The following PITPNC1 variants were observed in gnomAD, a reference collection of about 807,000 sequenced individuals.
PITPNC1 encodes the protein phosphatidylinositol transfer protein cytoplasmic 1.
PITPNC1 carries 18 observed loss-of-function variants against 44.7 expected under a neutral mutation model. The observed-to-expected ratio is 0.40, with a 90% CI of 0.28 to 0.60. The LOEUF (loss-of-function observed/expected upper bound fraction) is 0.60. Ranked by LOEUF, PITPNC1 falls within the 20% of genes least tolerant of loss-of-function variation. The probability of loss-of-function intolerance (pLI) is 0.39; values close to 1 mark genes in which losing one functional copy is unlikely to be tolerated. For synonymous variants in PITPNC1, 141 were observed against 149.6 expected, an observed-to-expected ratio of 0.94 and a Z score of 0.42; for missense variants, 290 against 418.4, an observed-to-expected ratio of 0.69 and a Z score of 2.68.
Position 67,403,218 on chromosome 17 carries a change from C to CAAAA in PITPNC1, c.48+25036_48+25039dup, listed in dbSNP as rs34768084. Among the ~76,000 whole-genome samples, 632 of 68,914 alleles carry CAAAA rather than the reference C, an allele frequency of 9.2e-3. 77 individuals carry two copies. The highest frequency in any genetic ancestry group is 0.054 in the East Asian group (132 of 2,460). 45.2% of individuals were successfully genotyped at this position (68,914 alleles called of 152,430 possible). A position where few individuals can be genotyped will look rare whatever the true frequency, so the allele number is the denominator to read the frequency against. On this transcript the variant is annotated intron_variant, in intron 1 of 8. Transcript: ENST00000581322. ...GGCAACACAGTGGACCTCATCTCTA[C>CAAAA]AAAAAAAAAAAAAAAAAAAAAAAGT... is the stretch of plus-strand genomic sequence containing the variant.
At chr17:67,440,690 G>T (rs761173241) in intron 1 of PITPNC1, among the ~76,000 whole-genome samples, 1 of 151,422 alleles carries the variant, frequency 6.6e-6, no homozygotes. Flanking sequence ...GCACCGTCAT[G>T]CCTGGCTGAT....
chr17:67,448,938 T>C (rs534572201), intron 1 of PITPNC1, among the ~76,000 whole-genome samples: 1 of 152,280 alleles, frequency 6.6e-6, no homozygotes, highest in South Asian at 2.1e-4. Context: ...GGCTAATTTT[T>C]GTATTTTTAA....
Position 67,610,347 on chromosome 17 carries a change from T to C in PITPNC1, c.367-21796T>C, listed in dbSNP as rs150335971. Among the ~76,000 whole-genome samples the C allele has an allele frequency of 8.2e-4, 125 of 152,340 alleles. 1 individual carries two copies. The highest frequency in any genetic ancestry group is 2.9e-3 in the African/African-American group (121 of 41,584). On this transcript the variant is annotated intron_variant, in intron 5 of 8. Transcript: ENST00000581322. ...GCTGCCCCTCAGGCTCTGTGGTCCTTGGCACTGAGGCAAGATTCTCAAAAT... is the reference window on the plus strand; with the variant it reads ...GCTGCCCCTCAGGCTCTGTGGTCCTCGGCACTGAGGCAAGATTCTCAAAAT...
chr17:67,423,183 G>T (rs1272206690), intron 1 of PITPNC1, among the ~76,000 whole-genome samples: 1 of 152,158 alleles, frequency 6.6e-6, no homozygotes, highest in Non-Finnish European at 1.5e-5. Context: ...GTGGCAGATT[G>T]ATTTTAAAAG....
At chr17:67,565,132 A>G (rs919611857) in intron 4 of PITPNC1, among the ~76,000 whole-genome samples, 2 of 142,990 alleles carry the variant, frequency 1.4e-5, no homozygotes, top group African/African-American at 2.6e-5. Flanking sequence ...GTTTTTCCAT[A>G]TTTTTCAGTG....
At chr17:67,380,808 C>T (rs2037946840) in intron 1 of PITPNC1, among the ~76,000 whole-genome samples, 1 of 151,964 alleles carries the variant, frequency 6.6e-6, no homozygotes, top group African/African-American at 2.4e-5. Flanking sequence ...CGGTCTCGCT[C>T]TGTCATCCAG....
intron 2 of PITPNC1, among the ~76,000 whole-genome samples, chr17:67,543,863 G>A (rs1444561238): frequency 6.6e-6 from 1 of 152,114 alleles, no homozygotes; most frequent in Non-Finnish European, 1.5e-5. Context: ...AATACATTGG[G>A]TAATTAAGAG....
chr17:67,378,999 G>C, intron 1 of PITPNC1: 1 of 985,378 alleles, frequency 1.0e-6, no homozygotes, highest in African/African-American at 1.7e-5. Context: ...TCCTTCTCCC[G>C]ATCCTGCGAA....
intron 4 of PITPNC1, among the ~76,000 whole-genome samples, chr17:67,560,704 G>C (rs1233946802): frequency 1.3e-5 from 2 of 152,222 alleles, no homozygotes; most frequent in South Asian, 2.1e-4. Flanking sequence ...TGTTTGTTCA[G>C]ATTATCCCGT....
chr17:67,483,924 T>C (rs1216211632), intron 1 of PITPNC1, among the ~76,000 whole-genome samples: 1 of 151,234 alleles, frequency 6.6e-6, no homozygotes. Flanking sequence ...CTTTCTTTTT[T>C]TTTTTTTTTT....
Position 67,595,342 on chromosome 17 carries a change from C to T in PITPNC1, c.366+17085C>T, listed in dbSNP as rs963701269. Among the ~76,000 whole-genome samples the T allele has an allele frequency of 2.0e-5, 3 of 152,096 alleles. No homozygotes were observed. The South Asian group carries it at 6.2e-4, about 32-fold the overall frequency. ...AAAAGGGAACCATTGAATCTTCTTC[C>T]CCTTGGACATCCAGAGCCATCATCT... On this transcript the variant is annotated intron_variant, in intron 5 of 8. Coordinates refer to ENST00000581322, the MANE Select transcript of PITPNC1 (RefSeq NM_012417.4).
intron 1 of PITPNC1, among the ~76,000 whole-genome samples, chr17:67,495,017 T>G (rs1326330448): frequency 7.0e-6 from 1 of 143,772 alleles, no homozygotes; most frequent in African/African-American, 2.6e-5. Context: ...AAGTAAACTT[T>G]GGCAATATTG....
intron 1 of PITPNC1, among the ~76,000 whole-genome samples, chr17:67,438,501 A>T (rs1210959939): frequency 6.6e-6 from 1 of 152,118 alleles, no homozygotes; most frequent in African/African-American, 2.4e-5. Flanking sequence ...TTTTTAGTAC[A>T]GACAGGGTTT....
chr17:67,651,001 C>T (rs1009957948), intron 6 of PITPNC1, among the ~76,000 whole-genome samples: 2 of 152,136 alleles, frequency 1.3e-5, no homozygotes, highest in African/African-American at 4.8e-5. Context: ...TCAGGGTTTG[C>T]GGTGCATTCT....
rs183673165 is a variant in PITPNC1 at position 67,381,747 on chromosome 17, C to G, written c.48+3545C>G. On this transcript the variant is annotated intron_variant, in intron 1 of 8. Coordinates refer to ENST00000581322, the MANE Select transcript of PITPNC1 (RefSeq NM_012417.4). ...TCCCAAAGGCGTGAGCCACCGCGCCCGGCCTACTTGTTTCTCTTTAATCAC... is the reference window on the plus strand; with the variant it reads ...TCCCAAAGGCGTGAGCCACCGCGCCGGGCCTACTTGTTTCTCTTTAATCAC... Among the ~76,000 whole-genome samples the G allele has an allele frequency of 2.6e-5, 4 of 152,342 alleles. 1 individual carries two copies. The highest frequency in any genetic ancestry group is 2.6e-4 in the Admixed American group (4 of 15,300).
rs767311775 is a variant in PITPNC1, at chr17:67,676,252, T to A, written c.682+710T>A. Among the ~76,000 whole-genome samples, 45 of 151,446 alleles carry A rather than the reference T, an allele frequency of 3.0e-4. No homozygotes were observed. Among genetic ancestry groups the A allele is most frequent in the African/African-American group, 1.1e-3 (44 of 41,196 alleles). On this transcript the variant is annotated intron_variant, in intron 8 of 8. Transcript: ENST00000581322. This position sits in a 1 kb window ranked among gnomAD's most constrained non-coding sequence, Gnocchi z 4.0. ...GAAAGAAACTACCCCTCAACAAATATATACAGGTTCTGCAAGAATTTAAGG... is the reference window on the plus strand; with the variant it reads ...GAAAGAAACTACCCCTCAACAAATAAATACAGGTTCTGCAAGAATTTAAGG...
At chr17:67,687,298 C>G in intron 8 of PITPNC1, 1 of 642,748 alleles carries the variant, frequency 1.6e-6, no homozygotes. Flanking sequence ...CATGTCGTCA[C>G]CCAGACCCTG....
intron 1 of PITPNC1, among the ~76,000 whole-genome samples, chr17:67,460,808 G>A (rs984277915): frequency 6.2e-5 from 9 of 145,894 alleles, no homozygotes; most frequent in Non-Finnish European, 1.3e-4. Context: ...GCAGCGGCGC[G>A]ACGGTGGCTC....
chr17:67,426,041 C>T (rs911852951), intron 1 of PITPNC1, among the ~76,000 whole-genome samples: 2 of 152,204 alleles, frequency 1.3e-5, no homozygotes, highest in Non-Finnish European at 2.9e-5. Context: ...CATAGACCAT[C>T]ATACACTTCC....
Sources: allele counts gnomAD v4.1 joint callset (sites outside exome capture counted in the v4.1 genomes callset), GRCh38; gene constraint gnomAD v4.1.1; non-coding constraint Gnocchi (gnomAD v3.1); transcripts MANE v1.5; gene names NCBI Gene and HGNC (gene_info 2026-07-23, HGNC 2026-07-21).